ANO4: variants seen among roughly 807,000 people sequenced by gnomAD.
ANO4 encodes anoctamin-4.
Under a neutral mutation model 141.9 loss-of-function variants are expected in ANO4, and 69 were observed. The observed-to-expected ratio is 0.49, with a 90% CI of 0.40 to 0.59. The LOEUF (loss-of-function observed/expected upper bound fraction) is 0.59, where lower values mean the gene tolerates loss of function less well. Ranked by LOEUF, ANO4 falls within the 20% of genes least tolerant of loss-of-function variation. The pLI, the probability that ANO4 is intolerant of heterozygous loss-of-function variation, is 0.00. For missense variants in ANO4, 894 were observed against 1,162.2 expected, an observed-to-expected ratio of 0.77 and a Z score of 3.36; for synonymous variants, 350 against 394.3, an observed-to-expected ratio of 0.89 and a Z score of 1.33.
chr12:100,973,085 T>C (rs1028183167), intron 6 of ANO4, among the ~76,000 whole-genome samples: 1 of 152,254 alleles, frequency 6.6e-6, no homozygotes, highest in African/African-American at 2.4e-5. Flanking sequence ...TTTTTAGATA[T>C]AGGAATTCCT....
chr12:101,083,973 T>C (rs2049384296), intron 16 of ANO4, among the ~76,000 whole-genome samples, 155 bp downstream of exon 16: 1 of 152,224 alleles, frequency 6.6e-6, no homozygotes, highest in African/African-American at 2.4e-5. Context: ...AGGGATGGTA[T>C]TGCTATCCCC....
chr12:100,738,335 A>G (rs2135462700), intron 2 of ANO4, among the ~76,000 whole-genome samples: 1 of 152,246 alleles, frequency 6.6e-6, no homozygotes, highest in South Asian at 2.1e-4. Context: ...CTGTGGCTTC[A>G]TTGTTGCTTT....
At chr12:100,966,884 TACACAC>T (rs139462317) in intron 5 of ANO4, among the ~76,000 whole-genome samples, 3 of 147,576 alleles carry the variant, frequency 2.0e-5, no homozygotes, top group Non-Finnish European at 3.0e-5. Flanking sequence ...CACACACACA[TACACAC>T]ACACACACAC....
chr12:100,787,702 A>G (rs1298511978), intron 3 of ANO4, among the ~76,000 whole-genome samples: 1 of 152,176 alleles, frequency 6.6e-6, no homozygotes, highest in Non-Finnish European at 1.5e-5. Context: ...GGTGATATGG[A>G]CAAATGGGTT....
chr12:101,079,759 C>T (rs75703954), intron 15 of ANO4, among the ~76,000 whole-genome samples: 3,341 of 152,210 alleles, frequency 0.022, 121 homozygotes, highest in African/African-American at 0.075. Context: ...CACTCTGAAG[C>T]GGCCACCTTG....
intron 12 of ANO4, among the ~76,000 whole-genome samples, chr12:101,043,205 C>G (rs550942258): frequency 6.6e-6 from 1 of 152,284 alleles, no homozygotes; most frequent in Non-Finnish European, 1.5e-5. Context: ...TATATATCTT[C>G]TTACTCCCTT....
chr12:100,812,157 A>G lies in ANO4; in HGVS notation c.-141+17130A>G, dbSNP rs544483657. On this transcript the variant is annotated intron_variant, in intron 1 of 27. Transcript: ENST00000392977. ...ATTAACACTTAGCTCAGCATCTGGC[A>G]TAAAGTAGGAGCTCAAAACATGGTT... Among the ~76,000 whole-genome samples, 25 of 152,334 alleles carry G rather than the reference A, an allele frequency of 1.6e-4. No homozygotes were observed. In the East Asian group the frequency reaches 4.1e-3, roughly 25 times the overall value.
intron 3 of ANO4, among the ~76,000 whole-genome samples, chr12:100,787,622 G>T (rs995987330): frequency 6.6e-6 from 1 of 152,108 alleles, no homozygotes; most frequent in Non-Finnish European, 1.5e-5. Context: ...TTCGCTCTGG[G>T]GAAAATTAAT....
chr12:100,788,755 G>A (rs1222423210), intron 3 of ANO4, among the ~76,000 whole-genome samples: 1 of 152,120 alleles, frequency 6.6e-6, no homozygotes, highest in African/African-American at 2.4e-5. Flanking sequence ...GCTCAGTGAG[G>A]AGCACAGAAG....
intron 1 of ANO4, among the ~76,000 whole-genome samples, chr12:100,800,286 G>A (rs189326421): frequency 1.3e-5 from 2 of 152,182 alleles, no homozygotes; most frequent in African/African-American, 4.8e-5. Flanking sequence ...CACCTATTGT[G>A]TCCACCCTAC....
At chr12:101,114,411 A>G (rs2050776679) in intron 24 of ANO4, among the ~76,000 whole-genome samples, 1 of 152,316 alleles carries the variant, frequency 6.6e-6, no homozygotes, top group East Asian at 1.9e-4. Flanking sequence ...TTCCTGTACT[A>G]GGTACACATT....
At chr12:100,913,328 ACTGCTTCTT>A (rs1458749068) in intron 2 of ANO4, among the ~76,000 whole-genome samples, 2 of 152,204 alleles carry the variant, frequency 1.3e-5, no homozygotes, top group Non-Finnish European at 2.9e-5. Flanking sequence ...GGAATTTAAA[ACTGCTTCTT>A]CTGCCTGAGG....
chr12:100,763,230 C>T (rs2032949259), intron 3 of ANO4, among the ~76,000 whole-genome samples: 1 of 152,156 alleles, frequency 6.6e-6, no homozygotes, highest in Admixed American at 6.5e-5. Context: ...TCTCTGGACT[C>T]CATATGGCCA....
At chr12:100,788,734 A>G (rs953030334) in intron 3 of ANO4, among the ~76,000 whole-genome samples, 1 of 152,162 alleles carries the variant, frequency 6.6e-6, no homozygotes, top group Non-Finnish European at 1.5e-5. Context: ...GACACTTTTT[A>G]GGCCCTGAGG....
chr12:100,899,660 T>TC (rs1171547783), intron 1 of ANO4, among the ~76,000 whole-genome samples: 1 of 152,190 alleles, frequency 6.6e-6, no homozygotes, highest in Non-Finnish European at 1.5e-5. Flanking sequence ...ATCCTCTTTT[T>TC]CCCCTGGGAA....
intron 1 of ANO4, among the ~76,000 whole-genome samples, chr12:100,720,577 A>AT (rs1249729482): frequency 4.6e-5 from 7 of 151,676 alleles, no homozygotes; most frequent in South Asian, 2.1e-4. Flanking sequence ...CTACCTCTTG[A>AT]TTTTTTGTGT....
In ANO4 at chr12:100,778,460, A is replaced by G. The variant is rs1179679101; in HGVS notation, c.358+38355A>G. Among the ~76,000 whole-genome samples, 3 of 152,322 alleles carry G rather than the reference A, an allele frequency of 2.0e-5. No homozygotes were observed. The East Asian group carries it at 5.8e-4, about 29-fold the overall frequency. ...AGAACATTTAGTGTTGCATTCTGCT[A>G]CCAGGAAGATGCAAAACGCAAGAAT... On this transcript the variant is annotated intron_variant, in intron 3 of 29. Coordinates refer to the ANO4 transcript ENST00000644049.
intron 2 of ANO4, among the ~76,000 whole-genome samples, chr12:100,918,594 G>A (rs999274915): frequency 6.6e-6 from 1 of 152,138 alleles, no homozygotes; most frequent in Non-Finnish European, 1.5e-5. Context: ...ATCGCCTAGT[G>A]ATGTTGCAGG....
rs555334577 is a variant in ANO4 at position 100,733,158 on chromosome 12, C to T, written c.23-616C>T. ...TTCCTAAAACAAAAATAGGATCCTG[C>T]TTTCTAGGCAGAAGCCAAACTTGTT... On this transcript the variant is annotated intron_variant, in intron 1 of 29. Transcript: ENST00000644049. Among the ~76,000 whole-genome samples, 7 of 152,268 alleles carry T rather than the reference C, an allele frequency of 4.6e-5. No individual in the cohort carries two copies. The East Asian group carries it at 1.4e-3, about 29-fold the overall frequency.
Sources: gnomAD v4.1 joint callset for allele counts (sites outside exome capture counted in the v4.1 genomes callset) on GRCh38, gnomAD v4.1.1 for gene constraint, MANE v1.5 for transcripts, NCBI Gene and HGNC (gene_info 2026-07-23, HGNC 2026-07-21) for gene names.